MYCBP2: variants seen among roughly 807,000 people sequenced by gnomAD.
MYCBP2 encodes the protein MYC binding protein 2.
MYCBP2 carries 120 observed loss-of-function variants against 525.3 expected under a neutral mutation model. The observed-to-expected ratio is 0.23, with a 90% confidence interval of 0.20 to 0.27. MYCBP2 has a LOEUF of 0.27. MYCBP2 is among the 10% of genes least tolerant of loss of function. The pLI, the probability that MYCBP2 is intolerant of heterozygous loss-of-function variation, is 1.00. For synonymous variants in MYCBP2, 1,894 were observed against 1,955.8 expected, an observed-to-expected ratio of 0.97 and a Z score of 0.83; for missense variants, 4,149 against 5,657.1, an observed-to-expected ratio of 0.73 and a Z score of 8.55.
intron 55 of MYCBP2, among the ~76,000 whole-genome samples, chr13:77,101,490 T>C (rs2047054946): frequency 6.6e-6 from 1 of 152,010 alleles, no homozygotes. Flanking sequence ...GCCTGAAAAA[T>C]GGAATCTGCC....
At chr13:77,070,565 A>G (rs2041021253) in intron 69 of MYCBP2, 66 bp downstream of exon 69, 3 of 1,194,196 alleles carry the variant, frequency 2.5e-6, no homozygotes, top group Admixed American at 1.9e-5. Flanking sequence ...CAAACAGACA[A>G]ACAAACAAAC....
intron 17 of MYCBP2, among the ~76,000 whole-genome samples, chr13:77,234,527 AC>A (rs575771326): frequency 1.6e-3 from 236 of 152,154 alleles, no homozygotes; most frequent in African/African-American, 5.4e-3. Context: ...AAATGCAAAT[AC>A]CTCAAATTGT....
chr13:77,303,575 A>T (rs1443769741), intron 1 of MYCBP2, among the ~76,000 whole-genome samples: 2 of 152,198 alleles, frequency 1.3e-5, no homozygotes, highest in Non-Finnish European at 2.9e-5. Context: ...CAACTAAGAA[A>T]TTCCCAAATG....
At chr13:77,301,024 G>T (rs894806162) in intron 1 of MYCBP2, among the ~76,000 whole-genome samples, 3 of 152,130 alleles carry the variant, frequency 2.0e-5, no homozygotes, top group African/African-American at 7.2e-5. Flanking sequence ...GGGCTGAAAT[G>T]ACAGACTGGA....
chr13:77,298,432 G>A (rs888828241), intron 1 of MYCBP2, among the ~76,000 whole-genome samples: 2 of 152,182 alleles, frequency 1.3e-5, no homozygotes, highest in Non-Finnish European at 2.9e-5. Context: ...TCCTCGCCAA[G>A]CTAAAAGCTC....
intron 63 of MYCBP2, among the ~76,000 whole-genome samples, chr13:77,082,442 A>G (rs2043459844): frequency 6.6e-6 from 1 of 152,202 alleles, no homozygotes; most frequent in South Asian, 2.1e-4. Flanking sequence ...CATTAGTAAC[A>G]TGGGAAGCCC....
At chr13:77,165,953 T>C (rs1427202998) in intron 41 of MYCBP2, among the ~76,000 whole-genome samples, 1 of 152,198 alleles carries the variant, frequency 6.6e-6, no homozygotes, top group East Asian at 1.9e-4. Flanking sequence ...TCTCTTACAA[T>C]GAAGGACTTC....
intron 4 of MYCBP2, among the ~76,000 whole-genome samples, chr13:77,277,754 C>A (rs1274524569): frequency 1.3e-5 from 2 of 152,188 alleles, no homozygotes; most frequent in Non-Finnish European, 2.9e-5. Context: ...CCCGATAACT[C>A]TGATACATGC....
intron 2 of MYCBP2, among the ~76,000 whole-genome samples, chr13:77,294,672 T>C (rs528660431): frequency 4.6e-5 from 7 of 152,206 alleles, no homozygotes; most frequent in South Asian, 2.1e-4. Context: ...CACCAAAAAG[T>C]TGAAAAGGGA....
chr13:77,264,678 A>C (rs2073826761), intron 8 of MYCBP2, among the ~76,000 whole-genome samples: 1 of 152,150 alleles, frequency 6.6e-6, no homozygotes, highest in Admixed American at 6.6e-5. Context: ...TCCATAGAAT[A>C]GTACACCATA....
chr13:77,189,685 AAC>A (rs1269124947), intron 29 of MYCBP2, among the ~76,000 whole-genome samples: 2 of 152,166 alleles, frequency 1.3e-5, no homozygotes, highest in African/African-American at 4.8e-5. Context: ...AAATAAGGTA[AAC>A]ACAGGCATAT....
At chr13:77,046,073 A>C (rs779906011) in intron 82 of MYCBP2, among the ~76,000 whole-genome samples, 5 of 152,252 alleles carry the variant, frequency 3.3e-5, no homozygotes, top group Non-Finnish European at 7.3e-5. Context: ...AAACATGAAC[A>C]ATGTTATAAA....
chr13:77,115,492 C>A (rs972602578), intron 55 of MYCBP2, among the ~76,000 whole-genome samples: 1 of 151,800 alleles, frequency 6.6e-6, no homozygotes, highest in African/African-American at 2.4e-5. Context: ...TAACATTCTA[C>A]TTCACTAGAA....
chr13:77,298,377 C>T (rs553988548), intron 1 of MYCBP2, among the ~76,000 whole-genome samples: 6 of 152,274 alleles, frequency 3.9e-5, no homozygotes, highest in East Asian at 1.9e-4. Flanking sequence ...TTTCATTGTA[C>T]AGCCAATAAC....
intron 52 of MYCBP2, among the ~76,000 whole-genome samples, chr13:77,133,472 G>A (rs1248806366): frequency 1.3e-5 from 2 of 152,156 alleles, no homozygotes; most frequent in Non-Finnish European, 2.9e-5. Flanking sequence ...AGAAACAAAT[G>A]TGAGTGAGAA....
rs1489904151 is a variant in MYCBP2, at chr13:77,267,748, TC to T, written c.1357+92del. On this transcript the variant is annotated intron_variant, in intron 8 of 82. Coordinates refer to ENST00000544440, the MANE Select transcript of MYCBP2 (RefSeq NM_015057.5). ...AAAACCCTTTTATAAGCAAGCACTA[TC>T]CCTTGCTAATCATTCTTTATGTGTC... 6.2e-6 allele frequency: 6 copies of T among 967,980 alleles called. No homozygotes were observed. In the African/African-American group the frequency reaches 9.7e-5, roughly 16 times the overall value. 60.0% of individuals were successfully genotyped at this position (967,980 alleles called of 1,614,324 possible).
At chr13:77,060,623 T>C (rs2039106457) in intron 76 of MYCBP2, among the ~76,000 whole-genome samples, 1 of 152,236 alleles carries the variant, frequency 6.6e-6, no homozygotes, top group South Asian at 2.1e-4. Context: ...AAAATACATT[T>C]AACATACATA....
chr13:77,083,147 T>C lies in MYCBP2; in HGVS notation c.10921A>G (p.Ile3641Val). The C allele has an allele frequency of 7.4e-6, 12 of 1,613,446 alleles. No individual in the cohort carries two copies. Among genetic ancestry groups the C allele is most frequent in the Non-Finnish European group, 9.3e-6 (11 of 1,179,594 alleles). The change falls in exon 63 of 83, where the codon ATT becomes GTT. Residue 3641 changes from isoleucine to valine, a missense_variant. Physicochemically the swap from Ile to Val is conservative, Grantham distance 29. This residue lies in a region of MYCBP2 where 509 missense variants were observed against 789.4 expected (regional missense o/e 0.64). Transcript: ENST00000544440. ...AAAGGATGAGCAGCTTCCCCGGCAA[T>C]CACTATGTCTGAGAGTGGATGTTCA... is the stretch of plus-strand genomic sequence containing the variant. The part of the protein sequence containing the change: ...VCEHPLSDIV[I>V]AGEAAHPLPH...
At chr13:77,137,462 A>G (rs1265412127) in intron 52 of MYCBP2, among the ~76,000 whole-genome samples, 1 of 152,164 alleles carries the variant, frequency 6.6e-6, no homozygotes, top group African/African-American at 2.4e-5. Flanking sequence ...CTTAAATAAA[A>G]CACACAATGG....
Sources: allele counts gnomAD v4.1 joint callset (sites outside exome capture counted in the v4.1 genomes callset), GRCh38; gene constraint gnomAD v4.1.1; regional missense constraint gnomAD v4.1.1; transcripts MANE v1.5; gene names NCBI Gene and HGNC (gene_info 2026-07-23, HGNC 2026-07-21).